The following ANKRD45 variants were observed in gnomAD, a reference collection of about 807,000 sequenced individuals.
The protein encoded by ANKRD45 is ankyrin repeat domain-containing protein 45.
In ANKRD45, 21 loss-of-function variants were observed where a neutral mutation model predicts 28.1. That is an observed-to-expected ratio of 0.75 (90% CI 0.53 to 1.08). The LOEUF (loss-of-function observed/expected upper bound fraction) is 1.08, where lower values mean the gene tolerates loss of function less well. ANKRD45 is among the 50% of genes least tolerant of loss of function. The pLI is 0.00. For missense variants in ANKRD45, 261 were observed against 308.7 expected (o/e 0.85, Z 1.16); for synonymous variants, 86 against 103.9 (o/e 0.83, Z 1.05).
chr1:173,637,250 C>T, intron 3 of ANKRD45: 1 of 447,694 alleles, frequency 2.2e-6, no homozygotes, highest in Non-Finnish European at 4.0e-6. Flanking sequence ...AAATTGTATA[C>T]TGTAGAAAAT....
the ANKRD45 span, among the ~76,000 whole-genome samples, chr1:173,684,342 C>CT: frequency 3.3e-5 from 5 of 151,986 alleles, no homozygotes; most frequent in Non-Finnish European, 5.9e-5. Context: ...TCTTTTCAAA[C>CT]TTTTTTTTAA....
chr1:173,617,499 G>T (rs1219166542), intron 5 of ANKRD45, among the ~76,000 whole-genome samples: 1 of 152,242 alleles, frequency 6.6e-6, no homozygotes. Flanking sequence ...ATGCAGCACA[G>T]CTGCTGTGCC....
intron 5 of ANKRD45, among the ~76,000 whole-genome samples, chr1:173,620,026 G>C (rs6701704): frequency 0.17 from 25,829 of 152,024 alleles, 7,314 homozygotes; most frequent in African/African-American, 0.59. Context: ...ACACCCCACT[G>C]ACAATATTAA....
At chr1:173,632,734 T>C (rs1312053079) in intron 3 of ANKRD45, among the ~76,000 whole-genome samples, 1 of 152,086 alleles carries the variant, frequency 6.6e-6, no homozygotes, top group Non-Finnish European at 1.5e-5. Flanking sequence ...ATTAATGTGA[T>C]ACATCATATC....
At chr1:173,714,796 C>T in the ANKRD45 span, 1 of 152,172 alleles carries the variant, frequency 6.6e-6, no homozygotes, top group African/African-American at 2.4e-5. Flanking sequence ...CAAGGAACCC[C>T]CACGAGGATA....
chr1:173,660,017 A>G (rs1669710188), intron 1 of ANKRD45, among the ~76,000 whole-genome samples: 1 of 152,194 alleles, frequency 6.6e-6, no homozygotes, highest in Non-Finnish European at 1.5e-5. Context: ...TAATAATGCT[A>G]TGGGAGAAAT....
the ANKRD45 span, among the ~76,000 whole-genome samples, chr1:173,678,725 G>T: frequency 6.6e-6 from 1 of 152,158 alleles, no homozygotes; most frequent in Admixed American, 6.5e-5. Flanking sequence ...GCAAGAGAAA[G>T]AAATAAAGTG....
upstream of ANKRD45, among the ~76,000 whole-genome samples, chr1:173,673,508 G>C (rs1670324503): frequency 6.6e-6 from 1 of 152,098 alleles, no homozygotes; most frequent in Non-Finnish European, 1.5e-5. Context: ...TTACTCCAAG[G>C]TAACTTAATG....
the ANKRD45 span, among the ~76,000 whole-genome samples, chr1:173,676,001 T>C: frequency 3.3e-5 from 5 of 152,208 alleles, no homozygotes; most frequent in African/African-American, 9.6e-5. Flanking sequence ...CAAGATAAAC[T>C]TGGGGCTCTT....
At chr1:173,656,630 A>G (rs1412490489) in intron 2 of ANKRD45, among the ~76,000 whole-genome samples, 1 of 152,206 alleles carries the variant, frequency 6.6e-6, no homozygotes, top group Non-Finnish European at 1.5e-5. Context: ...CAATTCACAG[A>G]AACTCTGAAA....
At chr1:173,641,067 G>A (rs567397589) in intron 3 of ANKRD45, among the ~76,000 whole-genome samples, 2 of 152,096 alleles carry the variant, frequency 1.3e-5, no homozygotes, top group South Asian at 4.2e-4. Context: ...CCCCTTCTTC[G>A]GTAGCCTCAG....
chr1:173,624,858 T>C lies in ANKRD45; in HGVS notation c.659A>G (p.Asn220Ser). The change falls in exon 5 of 6, where the codon AAT (asparagine) becomes AGT (serine). Residue 220 changes from asparagine (N) to serine (S), a missense_variant. Asn to Ser is a conservative substitution (Grantham distance 46). Transcript: ENST00000333279. Reference sequence around the variant, plus strand: ...TTGTTGTCTCTGCTCAAAAAGCTCATTAATGGAAGCTTCTGTATGGGTTTC... The same window carrying C: ...TTGTTGTCTCTGCTCAAAAAGCTCACTAATGGAAGCTTCTGTATGGGTTTC... ...WLETHTEASI[N>S]ELFEQRQQLE... is the part of the protein sequence containing the mutation. The C allele has an allele frequency of 6.2e-7, 1 of 1,613,838 alleles. No individual in the cohort carries two copies.
chr1:173,696,804 T>C, the ANKRD45 span, among the ~76,000 whole-genome samples: 3 of 152,090 alleles, frequency 2.0e-5, no homozygotes, highest in Non-Finnish European at 2.9e-5. Context: ...TCTATTCAAA[T>C]AGAGGATGAC....
the ANKRD45 span, among the ~76,000 whole-genome samples, chr1:173,714,193 C>T: frequency 2.0e-5 from 3 of 152,198 alleles, no homozygotes; most frequent in African/African-American, 7.2e-5. Context: ...TTGTAATCCC[C>T]ACCTTACACT....
intron 2 of ANKRD45, among the ~76,000 whole-genome samples, chr1:173,656,572 G>A (rs917012250): frequency 2.6e-5 from 4 of 152,122 alleles, no homozygotes; most frequent in Admixed American, 6.5e-5. Flanking sequence ...TTACTGTGAT[G>A]TATGGCCCGA....
chr1:173,709,843 G>T, the ANKRD45 span, among the ~76,000 whole-genome samples: 1 of 152,228 alleles, frequency 6.6e-6, no homozygotes, highest in Admixed American at 6.5e-5. Flanking sequence ...TGTTGCCCAA[G>T]CTGGTTTCAA....
the ANKRD45 span, among the ~76,000 whole-genome samples, chr1:173,712,392 G>C: frequency 1.3e-5 from 2 of 152,116 alleles, no homozygotes; most frequent in African/African-American, 2.4e-5. Flanking sequence ...GTGTGACTTT[G>C]GGCAACTTAC....
chr1:173,682,483 A>G, the ANKRD45 span, among the ~76,000 whole-genome samples: 60 of 152,198 alleles, frequency 3.9e-4, 2 homozygotes, highest in South Asian at 8.5e-3. Context: ...TGGCACCTTC[A>G]TTTTCTTTAA....
chr1:173,614,274 A>T (rs80011543), intron 5 of ANKRD45, among the ~76,000 whole-genome samples: 14 of 151,454 alleles, frequency 9.2e-5, no homozygotes, highest in Admixed American at 2.6e-4. Context: ...ATAAAAAAAA[A>T]AAAATAAATA....
Sources: allele counts gnomAD v4.1 joint callset (sites outside exome capture counted in the v4.1 genomes callset), GRCh38; gene constraint gnomAD v4.1.1; transcripts MANE v1.5; gene names NCBI Gene and HGNC (gene_info 2026-07-23, HGNC 2026-07-21).